Variants in SYTL5 observed in about 807,000 individuals in gnomAD.
SYTL5 encodes synaptotagmin like 5, also known as synaptotagmin-like protein 5.
A neutral mutation model predicts 55.9 loss-of-function variants in SYTL5; 34 were observed. The observed-to-expected ratio is 0.61, with a 90% CI of 0.46 to 0.81. The LOEUF (loss-of-function observed/expected upper bound fraction) is 0.81, where lower values mean the gene tolerates loss of function less well. Among genes scored for constraint, SYTL5 ranks in the 30% least tolerant of loss-of-function variants. The pLI is 0.00. For missense variants in SYTL5, 637 were observed against 546.7 expected, an observed-to-expected ratio of 1.17 and a Z score of -1.65; for synonymous variants, 221 against 188.7, an observed-to-expected ratio of 1.17 and a Z score of -1.40.
the SYTL5 span, among the ~76,000 whole-genome samples, chrX:37,944,386 G>C: frequency 2.0e-4 from 22 of 111,383 alleles, no homozygotes; most frequent in Admixed American, 6.7e-4. Context: ...TAAAATGCCT[G>C]TGTAATTGAT....
At chrX:37,928,237 CA>C in the SYTL5 span, among the ~76,000 whole-genome samples, 1 of 111,628 alleles carries the variant, frequency 9.0e-6, no homozygotes, top group Admixed American at 9.5e-5. Context: ...AAGTGGTTGC[CA>C]TTAAGAAAAT....
chrX:37,940,604 G>GTATATATATATATATATATA, the SYTL5 span, among the ~76,000 whole-genome samples: 32 of 94,846 alleles, frequency 3.4e-4, no homozygotes, highest in African/African-American at 1.0e-3. Flanking sequence ...AGGTGTGTAT[G>GTATATATATATATATATATA]TATATATATA....
chrX:38,014,869 T>C (rs1286065074), intron 1 of SYTL5, among the ~76,000 whole-genome samples: 1 of 112,296 alleles, frequency 8.9e-6, no homozygotes, highest in Non-Finnish European at 1.9e-5. Context: ...CTCCCTGTCC[T>C]TTGTCCACAA....
chrX:37,934,714 A>G, the SYTL5 span, among the ~76,000 whole-genome samples: 1 of 107,089 alleles, frequency 9.3e-6, no homozygotes, highest in African/African-American at 3.4e-5. Context: ...GGCTTATGCA[A>G]CCTCTGCTTC....
chrX:38,028,333 A>G (rs1213371167), intron 1 of SYTL5, among the ~76,000 whole-genome samples: 2 of 112,401 alleles, frequency 1.8e-5, no homozygotes, highest in African/African-American at 3.2e-5. Context: ...AGCCTTGGTA[A>G]AATAATCAGT....
chrX:38,110,606 C>A, intron 13 of SYTL5, 124 bp downstream of exon 13: 1 of 519,644 alleles, frequency 1.9e-6, no homozygotes. Context: ...AAAATTAGTG[C>A]AGCAAATTTT....
chrX:37,939,904 C>T, the SYTL5 span, among the ~76,000 whole-genome samples: 2 of 111,468 alleles, frequency 1.8e-5, no homozygotes, highest in Non-Finnish European at 1.9e-5. Flanking sequence ...AATCTTGGCT[C>T]GCTGCAAACT....
intron 1 of SYTL5, among the ~76,000 whole-genome samples, chrX:38,008,046 T>C (rs1314609981): frequency 9.0e-6 from 1 of 111,576 alleles, no homozygotes; most frequent in Non-Finnish European, 1.9e-5. Context: ...GTATTTTTGT[T>C]GAAATTACTT....
Position 38,013,213 on chromosome X carries a change from C to G in SYTL5, c.-357+6545C>G, listed in dbSNP as rs143177882. On this transcript the variant is annotated intron_variant, in intron 1 of 16. Transcript: ENST00000297875. ...AGGTTATTTCTAAATCAGTTATACA[C>G]AACAACCAAACAGCTATTGATTTTC... is the stretch of plus-strand genomic sequence containing the variant. Among the ~76,000 whole-genome samples the G allele has an allele frequency of 3.8e-3, 431 of 112,501 alleles. 2 individuals carry two copies. Among genetic ancestry groups the G allele is most frequent in the African/African-American group, 0.013 (409 of 31,036 alleles).
chrX:37,960,672 TCTC>T, the SYTL5 span, among the ~76,000 whole-genome samples: 1 of 111,381 alleles, frequency 9.0e-6, no homozygotes, highest in Non-Finnish European at 1.9e-5. Flanking sequence ...TCTCTGGTCT[TCTC>T]CTTTTTCTGA....
intron 1 of SYTL5, among the ~76,000 whole-genome samples, chrX:38,011,335 G>GT (rs1934174860): frequency 8.9e-6 from 1 of 111,993 alleles, no homozygotes; most frequent in Non-Finnish European, 1.9e-5. Context: ...TTCCTAGAGA[G>GT]TATGTTATAC....
rs367874140 is a variant in SYTL5, at chrX:38,105,573, G to A, written c.1156-1020G>A. Among the ~76,000 whole-genome samples, 9 of 112,323 alleles carry A rather than the reference G, an allele frequency of 8.0e-5. No homozygotes were observed. In the East Asian group the frequency reaches 2.0e-3, roughly 25 times the overall value. On this transcript the variant is annotated intron_variant, in intron 10 of 16. Coordinates refer to ENST00000297875, the MANE Select transcript of SYTL5 (RefSeq NM_138780.3). ...ATGCACTTATCTCAGTGAGCAGGGG[G>A]ATGACTTTGAGTAGTATGGGAGGCA...
At chrX:37,934,934 G>T in the SYTL5 span, among the ~76,000 whole-genome samples, 1,012 of 111,654 alleles carry the variant, frequency 9.1e-3, 9 homozygotes, top group African/African-American at 0.031. Context: ...GCGCCTGGCC[G>T]AATGCTTCAA....
chrX:37,933,258 C>T, the SYTL5 span, among the ~76,000 whole-genome samples: 3 of 111,652 alleles, frequency 2.7e-5, no homozygotes, highest in Admixed American at 1.9e-4. Flanking sequence ...CAAAGGGTTG[C>T]GCTAATCTGG....
chrX:37,961,334 A>T, the SYTL5 span, among the ~76,000 whole-genome samples: 14 of 111,255 alleles, frequency 1.3e-4, no homozygotes, highest in South Asian at 3.8e-4. Flanking sequence ...TTTTTGCTTC[A>T]TCATAACATG....
chrX:38,029,588 C>T (rs1183422712), intron 1 of SYTL5, among the ~76,000 whole-genome samples: 1 of 111,463 alleles, frequency 9.0e-6, no homozygotes, highest in Non-Finnish European at 1.9e-5. Context: ...TATCTAGAAT[C>T]TAATGCTCTA....
chrX:38,106,635 G>A lies in SYTL5; in HGVS notation c.1198G>A (p.Asp400Asn), dbSNP rs375595402. The change falls in exon 11 of 17, where the codon GAC becomes AAC. Residue 400 changes from aspartate (D) to asparagine (N), a missense_variant. By Grantham distance (23) the Asp-to-Asn change is conservative. Transcript: ENST00000297875. ...GATGAGCGTTTACAGTGAAACGGGA[G>A]ACTATGGCAACGTGAAAGTCAGTGG... ...SMMSVYSETG[D>N]YGNVKVSGEI... 9 of 1,207,727 alleles carry A rather than the reference G, an allele frequency of 7.5e-6. No homozygotes were observed. In the African/African-American group the frequency reaches 1.2e-4, roughly 16 times the overall value.
chrX:37,896,485 C>T, the SYTL5 span, among the ~76,000 whole-genome samples: 4 of 110,646 alleles, frequency 3.6e-5, no homozygotes, highest in Non-Finnish European at 1.9e-5. Flanking sequence ...CTTGCTTTGG[C>T]CAAAAAGACT....
chrX:37,926,177 G>C, the SYTL5 span, among the ~76,000 whole-genome samples: 1 of 111,687 alleles, frequency 9.0e-6, no homozygotes, highest in Non-Finnish European at 1.9e-5. Flanking sequence ...TTAGTGCTTA[G>C]AGGAATCTCC....
Sources: allele counts gnomAD v4.1 joint callset (sites outside exome capture counted in the v4.1 genomes callset), GRCh38; gene constraint gnomAD v4.1.1; transcripts MANE v1.5; gene names NCBI Gene and HGNC (gene_info 2026-07-23, HGNC 2026-07-21).